The following PTPRR variants were observed in gnomAD, a reference collection of about 807,000 sequenced individuals.
PTPRR encodes the protein receptor-type tyrosine-protein phosphatase R.
PTPRR carries 38 observed loss-of-function variants against 77.2 expected under a neutral mutation model. The ratio of observed to expected loss-of-function variants is 0.49; its 90% CI spans 0.38 to 0.65. The LOEUF is 0.65. Among genes scored for constraint, PTPRR ranks in the 30% least tolerant of loss-of-function variants. PTPRR has a pLI of 0.00. For missense variants in PTPRR, 744 were observed against 799.2 expected, an observed-to-expected ratio of 0.93 and a Z score of 0.83; for synonymous variants, 299 against 283.1, an observed-to-expected ratio of 1.06 and a Z score of -0.57.
At position 70,671,929 on chromosome 12, in the gene PTPRR, T is replaced by G. The variant is rs1279047454; in HGVS notation, c.1498-9324A>C. 3.1e-6 allele frequency: 3 copies of G among 960,802 alleles called. No homozygotes were observed. The African/African-American group carries it at 4.9e-5, about 16-fold the overall frequency. 59.5% of individuals were successfully genotyped at this position (960,802 alleles called of 1,614,324 possible). A position where few individuals can be genotyped will look rare whatever the true frequency, so the allele number is the denominator to read the frequency against. On this transcript the variant is annotated intron_variant, in intron 10 of 13. Transcript: ENST00000283228. ...GCCGCCAGGCTCTGATGCTGGTCTC[T>G]GGTAGAAGAAGGTTGCTCACAGCTC...
At chr12:70,664,961 A>G (rs115728569) in intron 10 of PTPRR, among the ~76,000 whole-genome samples, 1 of 152,302 alleles carries the variant, frequency 6.6e-6, no homozygotes, top group African/African-American at 2.4e-5. Context: ...GTACAAGTTC[A>G]TGTTCAAATT....
chr12:70,700,602 C>T (rs1352072557), intron 7 of PTPRR, among the ~76,000 whole-genome samples: 3 of 152,090 alleles, frequency 2.0e-5, no homozygotes, highest in African/African-American at 7.2e-5. Context: ...TTCCATTTTC[C>T]CTTCTACTAT....
Position 70,794,622 on chromosome 12 carries a change from C to T in PTPRR, c.358-29844G>A, listed in dbSNP as rs115062561. Among the ~76,000 whole-genome samples the T allele has an allele frequency of 7.8e-4, 118 of 152,244 alleles. 2 individuals carry two copies. Among genetic ancestry groups the T allele is most frequent in the African/African-American group, 2.6e-3 (106 of 41,548 alleles). ...GAGGAAAAGACACGAGAGAAGACTCCCTTTCCTTTGGTGGTATTTAGTGCA... is the reference window on the plus strand; with the variant it reads ...GAGGAAAAGACACGAGAGAAGACTCTCTTTCCTTTGGTGGTATTTAGTGCA... On this transcript the variant is annotated intron_variant, in intron 2 of 13. Transcript: ENST00000283228.
intron 1 of PTPRR, among the ~76,000 whole-genome samples, chr12:70,907,694 G>T (rs957945141): frequency 2.6e-5 from 4 of 152,182 alleles, no homozygotes; most frequent in Non-Finnish European, 5.9e-5. Context: ...GAAAGAATGA[G>T]CATTAAGACC....
At chr12:70,841,613 T>C (rs997624247) in intron 2 of PTPRR, among the ~76,000 whole-genome samples, 2 of 152,118 alleles carry the variant, frequency 1.3e-5, no homozygotes, top group Non-Finnish European at 2.9e-5. Context: ...GAATTGAAAA[T>C]AACTTACAGA....
At chr12:70,673,926 C>T (rs138865267) in intron 10 of PTPRR, among the ~76,000 whole-genome samples, 3,078 of 152,020 alleles carry the variant, frequency 0.02, 60 homozygotes, top group Admixed American at 0.037. Flanking sequence ...TTGTTTACAT[C>T]AATCCTTTTT....
intron 2 of PTPRR, among the ~76,000 whole-genome samples, chr12:70,884,941 C>T (rs1197124253): frequency 6.7e-6 from 1 of 149,756 alleles, no homozygotes; most frequent in Non-Finnish European, 1.5e-5. Context: ...TGTCCTTCTT[C>T]CTCAAAGATA....
intron 6 of PTPRR, among the ~76,000 whole-genome samples, chr12:70,739,291 T>C (rs909024441): frequency 6.6e-6 from 1 of 152,184 alleles, no homozygotes; most frequent in Non-Finnish European, 1.5e-5. Context: ...TTTGTATTGA[T>C]TGTTAATTTT....
At chr12:70,810,666 G>A (rs1158494557) in intron 2 of PTPRR, among the ~76,000 whole-genome samples, 7 of 152,138 alleles carry the variant, frequency 4.6e-5, no homozygotes, top group Non-Finnish European at 8.8e-5. Flanking sequence ...CTGATAAATT[G>A]TTTGGAAGTT....
rs759770649 is a variant in PTPRR at position 70,888,907 on chromosome 12, AG to A, written c.357+3771del. On this transcript the variant is annotated intron_variant, in intron 2 of 13. Transcript: ENST00000283228. ...GAGACTTTTCAGGGTCAAAATATAA[AG>A]AATTCAATAGGTTGTACTAAAGCAT... Among the ~76,000 whole-genome samples, 8 of 152,340 alleles carry A rather than the reference AG, an allele frequency of 5.3e-5. No homozygotes were observed. In the East Asian group the frequency reaches 1.5e-3, roughly 29 times the overall value.
At chr12:70,873,861 T>G (rs1288799071) in intron 2 of PTPRR, among the ~76,000 whole-genome samples, 3 of 151,990 alleles carry the variant, frequency 2.0e-5, no homozygotes, top group African/African-American at 7.3e-5. Flanking sequence ...TGAATGTGAG[T>G]GTTGTGATAG....
chr12:70,842,335 C>T (rs1418749025), intron 2 of PTPRR, among the ~76,000 whole-genome samples: 1 of 152,096 alleles, frequency 6.6e-6, no homozygotes, highest in East Asian at 1.9e-4. Flanking sequence ...GGGTTGTTCC[C>T]AGCATAAAGA....
At chr12:70,639,595 A>G (rs1293912911) in intron 13 of PTPRR, 2 of 851,746 alleles carry the variant, frequency 2.3e-6, no homozygotes, top group Non-Finnish European at 2.9e-6. Context: ...GGTGAGTTCA[A>G]ATCCCTCCTC....
chr12:70,884,712 C>CA (rs34680812), intron 2 of PTPRR, among the ~76,000 whole-genome samples: 75,462 of 147,640 alleles, frequency 0.51, 19,428 homozygotes, highest in East Asian at 0.63. Context: ...CTAAAAAATA[C>CA]AAAAAAAAAA....
At chr12:70,855,119 G>T (rs1381536365) in intron 2 of PTPRR, among the ~76,000 whole-genome samples, 1 of 152,140 alleles carries the variant, frequency 6.6e-6, no homozygotes, top group East Asian at 1.9e-4. Flanking sequence ...ATTTAGTCTG[G>T]TGCAGAGAAA....
intron 2 of PTPRR, among the ~76,000 whole-genome samples, chr12:70,860,993 T>C (rs1892743794): frequency 6.6e-6 from 1 of 152,184 alleles, no homozygotes; most frequent in African/African-American, 2.4e-5. Context: ...TGCATTTGTT[T>C]ATGGTCTGTC....
At chr12:70,903,511 T>C (rs112692093) in intron 1 of PTPRR, among the ~76,000 whole-genome samples, 1,568 of 151,994 alleles carry the variant, frequency 0.01, 28 homozygotes, top group African/African-American at 0.036. Flanking sequence ...CAAAATTACA[T>C]TTAAAGTATT....
At chr12:70,914,902 T>A (rs969091888) in intron 1 of PTPRR, among the ~76,000 whole-genome samples, 5 of 152,146 alleles carry the variant, frequency 3.3e-5, no homozygotes, top group Non-Finnish European at 7.3e-5. Context: ...TAGGTAATTT[T>A]AAATATAGAA....
intron 2 of PTPRR, among the ~76,000 whole-genome samples, chr12:70,861,163 C>G (rs1565721398): frequency 6.6e-6 from 1 of 152,096 alleles, no homozygotes; most frequent in Non-Finnish European, 1.5e-5. Context: ...TATAAACTAA[C>G]AGTGTTCAAG....
Sources: gnomAD v4.1 joint callset for allele counts (sites outside exome capture counted in the v4.1 genomes callset) on GRCh38, gnomAD v4.1.1 for gene constraint, MANE v1.5 for transcripts, NCBI Gene and HGNC (gene_info 2026-07-23, HGNC 2026-07-21) for gene names.